ARHGEF12: variants seen among roughly 807,000 people sequenced by gnomAD.
ARHGEF12 encodes the protein Rho guanine nucleotide exchange factor 12.
In ARHGEF12, 66 loss-of-function variants were observed where a neutral mutation model predicts 211.2. The ratio of observed to expected loss-of-function variants is 0.31; its 90% CI spans 0.26 to 0.38. The LOEUF (loss-of-function observed/expected upper bound fraction) is 0.38, where lower values mean the gene tolerates loss of function less well. Ranked by LOEUF, ARHGEF12 falls within the 10% of genes least tolerant of loss-of-function variation. The probability of loss-of-function intolerance (pLI) is 1.00; values close to 1 mark genes in which losing one functional copy is unlikely to be tolerated. For synonymous variants in ARHGEF12, 592 were observed against 638.4 expected, an observed-to-expected ratio of 0.93 and a Z score of 1.09; for missense variants, 1,429 against 1,869.5, an observed-to-expected ratio of 0.76 and a Z score of 4.34.
intron 1 of ARHGEF12, among the ~76,000 whole-genome samples, chr11:120,351,673 G>C (rs1282273277): frequency 5.9e-5 from 9 of 151,598 alleles, no homozygotes; most frequent in Middle Eastern, 3.4e-3. Flanking sequence ...GTTTCACCAT[G>C]TTGGCCAGGC....
intron 27 of ARHGEF12, chr11:120,463,059 G>A (rs1946581807): frequency 6.6e-6 from 1 of 152,220 alleles, no homozygotes; most frequent in Non-Finnish European, 1.5e-5. Context: ...CCAGCTGTAG[G>A]CTAATGCAAG....
intron 5 of ARHGEF12, 62 bp downstream of exon 5, chr11:120,420,913 A>G (rs961439124): frequency 2.9e-6 from 4 of 1,382,832 alleles, no homozygotes. Context: ...AAAAGCTTAA[A>G]TAATGGCAAT....
At chr11:120,467,103 C>T in intron 28 of ARHGEF12, 91 bp from the exon 29 acceptor site, 1 of 744,404 alleles carries the variant, frequency 1.3e-6, no homozygotes, top group Non-Finnish European at 2.3e-6. Flanking sequence ...ATAACCAGAA[C>T]TGTGATGCAT....
intron 29 of ARHGEF12, among the ~76,000 whole-genome samples, chr11:120,467,770 G>A (rs375601412): frequency 2.0e-5 from 3 of 151,892 alleles, no homozygotes; most frequent in Non-Finnish European, 2.9e-5. Context: ...AGTCTTCTTC[G>A]GGCTGTTTGA....
rs189335160 is a variant in ARHGEF12 at position 120,346,556 on chromosome 11, G to A, written c.32+9281G>A. ...GTATAGTCCTTCCACAGGTGGCATTGCAAGTTGCATGATAACAGATAAGGC... is the reference window on the plus strand; with the variant it reads ...GTATAGTCCTTCCACAGGTGGCATTACAAGTTGCATGATAACAGATAAGGC... On this transcript the variant is annotated intron_variant, in intron 1 of 40. Coordinates refer to ENST00000397843, the MANE Select transcript of ARHGEF12 (RefSeq NM_015313.3). Among the ~76,000 whole-genome samples, 3 of 152,334 alleles carry A rather than the reference G, an allele frequency of 2.0e-5. No individual in the cohort carries two copies. In the East Asian group the frequency reaches 5.8e-4, roughly 29 times the overall value.
intron 1 of ARHGEF12, among the ~76,000 whole-genome samples, chr11:120,386,721 T>A (rs1944041093): frequency 6.6e-6 from 1 of 152,154 alleles, no homozygotes; most frequent in Non-Finnish European, 1.5e-5. Flanking sequence ...TTACATAAGC[T>A]ACTACATTTA....
chr11:120,339,005 CTTTTTTTTTTT>C (rs906260027), intron 1 of ARHGEF12, among the ~76,000 whole-genome samples: 1 of 121,998 alleles, frequency 8.2e-6, no homozygotes, highest in Non-Finnish European at 1.7e-5. Context: ...TTTTCTTTTT[CTTTTTTTTTTT>C]TTTTTTTGGC....
intron 34 of ARHGEF12, 35 bp downstream of exon 34, chr11:120,476,783 A>ATAG (rs1231451677): frequency 4.0e-6 from 6 of 1,482,380 alleles, no homozygotes; most frequent in Non-Finnish European, 5.6e-6. Flanking sequence ...GCTATAGCTA[A>ATAG]TATTTTCATT....
At chr11:120,404,988 T>G (rs1377235851) in intron 1 of ARHGEF12, among the ~76,000 whole-genome samples, 3 of 152,198 alleles carry the variant, frequency 2.0e-5, no homozygotes, top group Non-Finnish European at 4.4e-5. Flanking sequence ...TACCACTACT[T>G]CTTTGTAAGT....
Position 120,480,388 on chromosome 11 carries a change from G to T in ARHGEF12, c.4195G>T (p.Ala1399Ser). The T allele has an allele frequency of 6.2e-7, 1 of 1,613,566 alleles. No homozygotes were observed. The highest frequency in any genetic ancestry group is 8.5e-7 in the Non-Finnish European group (1 of 1,179,666). ...SDENPSEGDG[A>S]VNKEEKDVNL... ...TGAGAATCCATCAGAAGGTGATGGA[G>T]CAGTTAACAAGGAAGAGAAGGATGT... The change falls in exon 38 of 41, where the codon GCA becomes TCA. Residue 1399 changes from alanine (A) to serine (S), a missense_variant. By Grantham distance (99) the Ala-to-Ser change is moderately conservative (BLOSUM62 1). This residue lies in a region of ARHGEF12 where 467 missense variants were observed against 468.4 expected (regional missense o/e 1.00). Coordinates refer to ENST00000397843, the MANE Select transcript of ARHGEF12 (RefSeq NM_015313.3).
intron 27 of ARHGEF12, among the ~76,000 whole-genome samples, chr11:120,461,536 C>A (rs976441267): frequency 1.1e-4 from 17 of 152,072 alleles, no homozygotes; most frequent in Admixed American, 1.0e-3. Context: ...GAATGGTAAA[C>A]AATCATTGGC....
At chr11:120,405,310 T>G (rs1223359359) in intron 1 of ARHGEF12, among the ~76,000 whole-genome samples, 1 of 152,122 alleles carries the variant, frequency 6.6e-6, no homozygotes, top group African/African-American at 2.4e-5. Flanking sequence ...AATCAAAATG[T>G]AGGATGATAT....
chr11:120,455,295 A>T (rs1183749741), intron 22 of ARHGEF12, among the ~76,000 whole-genome samples: 1 of 152,144 alleles, frequency 6.6e-6, no homozygotes, highest in East Asian at 1.9e-4. Flanking sequence ...AATGCTTTTT[A>T]AAAAATCCAT....
At chr11:120,461,734 C>T (rs1453629343) in intron 27 of ARHGEF12, among the ~76,000 whole-genome samples, 1 of 152,204 alleles carries the variant, frequency 6.6e-6, no homozygotes, top group African/African-American at 2.4e-5. Context: ...ATCTCAGGTA[C>T]GTCTTCTGGA....
intron 15 of ARHGEF12, 109 bp downstream of exon 15, chr11:120,442,311 A>G (rs758898639): frequency 7.1e-6 from 5 of 699,920 alleles, no homozygotes; most frequent in Non-Finnish European, 8.9e-6. Flanking sequence ...GCTTTCTCAC[A>G]CCTGTATTAT....
In ARHGEF12 at chr11:120,428,250, A is replaced by G; in HGVS notation, c.585+3A>G. 1 of 1,556,322 alleles carries G rather than the reference A, an allele frequency of 6.4e-7. No homozygotes were observed. The highest frequency in any genetic ancestry group is 8.7e-7 in the Non-Finnish European group (1 of 1,150,228). Reference sequence around the variant, plus strand: ...TCACTAGTCCTGTGCTCATGGGGGTAAGAATGGGGAAATTTCTTAGTTAAA... The same window carrying G: ...TCACTAGTCCTGTGCTCATGGGGGTGAGAATGGGGAAATTTCTTAGTTAAA... On this transcript the variant is annotated splice_donor_region_variant and intron_variant, in intron 8 of 40. Coordinates refer to ENST00000397843, the MANE Select transcript of ARHGEF12 (RefSeq NM_015313.3).
intron 1 of ARHGEF12, among the ~76,000 whole-genome samples, chr11:120,363,095 G>A (rs918022195): frequency 1.2e-4 from 18 of 151,934 alleles, no homozygotes; most frequent in African/African-American, 3.4e-4. Flanking sequence ...GCGAGACTCC[G>A]TCTCAAAAAA....
intron 1 of ARHGEF12, among the ~76,000 whole-genome samples, chr11:120,396,946 A>T (rs115012665): frequency 0.013 from 2,005 of 152,336 alleles, 53 homozygotes; most frequent in African/African-American, 0.046. Flanking sequence ...GAATCTCTAT[A>T]TGAGTTTAGT....
chr11:120,405,993 C>A, intron 1 of ARHGEF12, 125 bp from the exon 2 acceptor site: 1 of 672,804 alleles, frequency 1.5e-6, no homozygotes, highest in Non-Finnish European at 2.5e-6. Flanking sequence ...CTTATTGATT[C>A]TTGCTATTGG....
Sources: allele counts gnomAD v4.1 joint callset (sites outside exome capture counted in the v4.1 genomes callset), GRCh38; gene constraint gnomAD v4.1.1; regional missense constraint gnomAD v4.1.1; transcripts MANE v1.5; gene names NCBI Gene and HGNC (gene_info 2026-07-23, HGNC 2026-07-21).